Variants in MRPS28 observed in about 807,000 individuals in gnomAD.
The protein encoded by MRPS28 is mitochondrial ribosomal protein S28, also known as small ribosomal subunit protein bS1m.
In MRPS28, 7 loss-of-function variants were observed where a neutral mutation model predicts 10.8. The observed-to-expected ratio is 0.65, with a 90% CI of 0.37 to 1.22. The LOEUF is 1.22. Among genes scored for constraint, MRPS28 ranks in the 50% most tolerant of loss-of-function variants. MRPS28 has a pLI of 0.02. For synonymous variants in MRPS28, 121 were observed against 93.3 expected (o/e 1.30, Z -1.71); for missense variants, 265 against 232.9 (o/e 1.14, Z -0.90).
At position 80,007,980 on chromosome 8, in the gene MRPS28, A is replaced by C. The variant is rs897062216; in HGVS notation, c.214-4800T>G. ...GCATTGCCAAGTCAATCCTAAGCCA[A>C]AAGAACAAAGCTAGAGGCATCAAGC... On this transcript the variant is annotated intron_variant, in intron 1 of 2. Coordinates refer to ENST00000276585, the MANE Select transcript of MRPS28 (RefSeq NM_014018.3). Among the ~76,000 whole-genome samples the C allele has an allele frequency of 9.2e-5, 14 of 152,356 alleles. 1 individual carries two copies. The South Asian group carries it at 2.9e-3, about 32-fold the overall frequency.
intron 2 of MRPS28, among the ~76,000 whole-genome samples, chr8:79,983,266 C>T (rs1808030625): frequency 6.6e-6 from 1 of 152,014 alleles, no homozygotes; most frequent in Non-Finnish European, 1.5e-5. Flanking sequence ...CACCAAAAAC[C>T]CATCTGTACA....
At chr8:79,919,487 T>C (rs1810013458) in intron 2 of MRPS28, among the ~76,000 whole-genome samples, 1 of 152,110 alleles carries the variant, frequency 6.6e-6, no homozygotes, top group Non-Finnish European at 1.5e-5. Context: ...ACTACAAGCA[T>C]GTACCACCAC....
chr8:79,985,528 G>T (rs1373602183), intron 2 of MRPS28, among the ~76,000 whole-genome samples: 1 of 152,122 alleles, frequency 6.6e-6, no homozygotes, highest in Admixed American at 6.5e-5. Flanking sequence ...TAGACCGCTA[G>T]CAAGGCTAAT....
At chr8:80,007,870 G>T (rs1808901192) in intron 1 of MRPS28, among the ~76,000 whole-genome samples, 1 of 152,120 alleles carries the variant, frequency 6.6e-6, no homozygotes, top group Admixed American at 6.5e-5. Flanking sequence ...TAGATTCAAT[G>T]CCATCCCCAT....
intron 2 of MRPS28, among the ~76,000 whole-genome samples, chr8:79,960,715 T>C (rs908947112): frequency 1.3e-5 from 2 of 152,086 alleles, no homozygotes; most frequent in African/African-American, 4.8e-5. Flanking sequence ...AGGGAAATAA[T>C]TTTCCATTAA....
At chr8:79,983,024 C>G (rs559329508) in intron 2 of MRPS28, among the ~76,000 whole-genome samples, 1 of 145,432 alleles carries the variant, frequency 6.9e-6, no homozygotes, top group Non-Finnish European at 1.5e-5. Flanking sequence ...AGGCACCCCC[C>G]AGTAGGGGCA....
At chr8:80,013,471 C>T (rs1217769581) in intron 1 of MRPS28, among the ~76,000 whole-genome samples, 1 of 151,546 alleles carries the variant, frequency 6.6e-6, no homozygotes, top group Non-Finnish European at 1.5e-5. Flanking sequence ...CCTGTCTCTA[C>T]TAAAAATACA....
At chr8:79,999,392 T>C (rs186505556) in intron 2 of MRPS28, among the ~76,000 whole-genome samples, 28 of 152,378 alleles carry the variant, frequency 1.8e-4, no homozygotes, top group African/African-American at 6.5e-4. Flanking sequence ...AATTTTGTTT[T>C]AGATATAAGT....
intron 2 of MRPS28, among the ~76,000 whole-genome samples, chr8:79,936,687 A>C (rs1806612175): frequency 6.6e-6 from 1 of 152,264 alleles, no homozygotes; most frequent in Non-Finnish European, 1.5e-5. Flanking sequence ...CAAAATGTTC[A>C]CTATATAGTT....
At chr8:79,998,054 CAAA>C (rs35716562) in intron 2 of MRPS28, among the ~76,000 whole-genome samples, 3 of 131,064 alleles carry the variant, frequency 2.3e-5, no homozygotes, top group Non-Finnish European at 3.2e-5. Flanking sequence ...GACTCTGTCT[CAAA>C]AAAAAAAAAA....
At chr8:80,020,580 TA>T (rs1809329618) in intron 1 of MRPS28, among the ~76,000 whole-genome samples, 1 of 152,230 alleles carries the variant, frequency 6.6e-6, no homozygotes, top group Admixed American at 6.5e-5. Flanking sequence ...GTATTTCTGA[TA>T]GAACAGTAGT....
At chr8:79,993,403 T>A (rs1050768259) in intron 2 of MRPS28, among the ~76,000 whole-genome samples, 4 of 152,144 alleles carry the variant, frequency 2.6e-5, no homozygotes, top group African/African-American at 7.2e-5. Context: ...AGCAAATCCA[T>A]TTTGCATGTC....
rs79498471 is a variant in MRPS28, at chr8:79,941,888, T to C, written c.396-22740A>G. On this transcript the variant is annotated intron_variant, in intron 2 of 2. Coordinates refer to ENST00000276585, the MANE Select transcript of MRPS28 (RefSeq NM_014018.3). Reference sequence around the variant, plus strand: ...TAAATTAGGGAGAAAAGGATTAAGATGAAAAAATGGTTTTTTATGTTCATG... The same window carrying C: ...TAAATTAGGGAGAAAAGGATTAAGACGAAAAAATGGTTTTTTATGTTCATG... Among the ~76,000 whole-genome samples, 1,072 of 152,334 alleles carry C rather than the reference T, an allele frequency of 7.0e-3. 14 individuals carry two copies. The highest frequency in any genetic ancestry group is 0.056 in the East Asian group (293 of 5,188).
intron 2 of MRPS28, among the ~76,000 whole-genome samples, chr8:79,928,053 G>A (rs1490432868): frequency 6.6e-6 from 1 of 152,138 alleles, no homozygotes; most frequent in Non-Finnish European, 1.5e-5. Flanking sequence ...GCTGGGCGTG[G>A]TGGCTCACAC....
intron 2 of MRPS28, among the ~76,000 whole-genome samples, chr8:79,994,276 A>C (rs1808440984): frequency 6.6e-6 from 1 of 152,210 alleles, no homozygotes; most frequent in South Asian, 2.1e-4. Context: ...ACATATATAC[A>C]ATATTATATT....
intron 2 of MRPS28, among the ~76,000 whole-genome samples, chr8:79,989,750 A>G (rs967646795): frequency 1.7e-4 from 26 of 152,198 alleles, no homozygotes; most frequent in African/African-American, 2.4e-5. Flanking sequence ...GCAGAAGATC[A>G]AGGCACTTAG....
intron 2 of MRPS28, among the ~76,000 whole-genome samples, chr8:79,969,079 G>C (rs1423274308): frequency 6.6e-6 from 1 of 152,118 alleles, no homozygotes; most frequent in Admixed American, 6.5e-5. Context: ...TATTAGCTTC[G>C]TGTTTAAGAG....
intron 1 of MRPS28, among the ~76,000 whole-genome samples, chr8:80,011,358 A>G (rs1429109889): frequency 6.6e-6 from 1 of 151,118 alleles, no homozygotes; most frequent in Non-Finnish European, 1.5e-5. Context: ...TTTATGGTTG[A>G]TATCTACCAG....
intron 2 of MRPS28, among the ~76,000 whole-genome samples, chr8:79,991,256 A>T (rs371168457): frequency 1.4e-4 from 22 of 152,372 alleles, no homozygotes; most frequent in African/African-American, 4.6e-4. Context: ...GTCTGAAATT[A>T]GCAAGGCTCT....
Sources: allele counts gnomAD v4.1 joint callset (sites outside exome capture counted in the v4.1 genomes callset), GRCh38; gene constraint gnomAD v4.1.1; transcripts MANE v1.5; gene names NCBI Gene and HGNC (gene_info 2026-07-23, HGNC 2026-07-21).